Variants in CDH12 observed in about 807,000 individuals in gnomAD.
CDH12 encodes the protein cadherin-12.
CDH12 carries 41 observed loss-of-function variants against 74.1 expected under a neutral mutation model. The observed-to-expected ratio is 0.55, with a 90% CI of 0.43 to 0.72. CDH12 has a LOEUF of 0.72. Among genes scored for constraint, CDH12 ranks in the 30% least tolerant of loss-of-function variants. The pLI is 0.00. For synonymous variants in CDH12, 399 were observed against 355.0 expected (o/e 1.12, Z -1.39); for missense variants, 945 against 977.2 (o/e 0.97, Z 0.44).
rs538910750 is a variant in CDH12 at position 21,918,948 on chromosome 5, T to C, written c.526+56143A>G. ...ACTTTTCAGTTTTACAAAGTCATATTGACAGAGACACATCTAAATTAGATG... is the reference window on the plus strand; with the variant it reads ...ACTTTTCAGTTTTACAAAGTCATATCGACAGAGACACATCTAAATTAGATG... On this transcript the variant is annotated intron_variant, in intron 6 of 14. Coordinates refer to ENST00000382254, the MANE Select transcript of CDH12 (RefSeq NM_004061.5). 4.6e-5 allele frequency among the ~76,000 whole-genome samples: 7 copies of C among 152,290 alleles called. No homozygotes were observed. The East Asian group carries it at 1.4e-3, about 29-fold the overall frequency.
intron 2 of CDH12, among the ~76,000 whole-genome samples, chr5:22,429,686 T>C (rs1744086387): frequency 6.6e-6 from 1 of 152,146 alleles, no homozygotes; most frequent in Non-Finnish European, 1.5e-5. Context: ...AATAAAAAGT[T>C]GTCTGTAGAG....
chr5:21,877,260 C>T (rs760595382), intron 6 of CDH12, among the ~76,000 whole-genome samples: 6 of 151,972 alleles, frequency 3.9e-5, no homozygotes, highest in South Asian at 2.1e-4. Flanking sequence ...AGGTAAACTT[C>T]GTTCCATTTT....
intron 4 of CDH12, among the ~76,000 whole-genome samples, chr5:22,207,154 G>A (rs1580402112): frequency 6.8e-6 from 1 of 147,482 alleles, no homozygotes; most frequent in Non-Finnish European, 1.5e-5. Context: ...GGGAGGCAGA[G>A]CTTGCAGTGA....
chr5:21,897,786 A>T (rs1753193060), intron 6 of CDH12, among the ~76,000 whole-genome samples: 1 of 152,226 alleles, frequency 6.6e-6, no homozygotes, highest in African/African-American at 2.4e-5. Flanking sequence ...TACAAATAAA[A>T]GCTAAATTTT....
intron 1 of CDH12, among the ~76,000 whole-genome samples, chr5:22,547,837 G>T (rs1212028686): frequency 6.6e-6 from 1 of 152,070 alleles, no homozygotes; most frequent in Non-Finnish European, 1.5e-5. Flanking sequence ...TAGGGGATTG[G>T]AATATTGAAT....
chr5:22,329,387 T>C (rs111263959), intron 3 of CDH12, among the ~76,000 whole-genome samples: 1 of 152,104 alleles, frequency 6.6e-6, no homozygotes, highest in Non-Finnish European at 1.5e-5. Context: ...AATTATTCAA[T>C]CTCCGACCAC....
chr5:22,488,721 C>T (rs539163954), intron 2 of CDH12, among the ~76,000 whole-genome samples: 1 of 152,244 alleles, frequency 6.6e-6, no homozygotes, highest in African/African-American at 2.4e-5. Context: ...CACTGAAATT[C>T]TTCAAGCTAG....
At chr5:22,839,337 A>G (rs1736981710) in intron 1 of CDH12, among the ~76,000 whole-genome samples, 1 of 150,434 alleles carries the variant, frequency 6.6e-6, no homozygotes, top group South Asian at 2.1e-4. Flanking sequence ...CTAGTTTACA[A>G]TCAAAATTAC....
chr5:22,557,387 A>G (rs1371596493), intron 1 of CDH12, among the ~76,000 whole-genome samples: 4 of 152,102 alleles, frequency 2.6e-5, no homozygotes, highest in African/African-American at 9.7e-5. Flanking sequence ...AGGCATCACC[A>G]AGGAGGTCTT....
At chr5:22,663,308 C>T (rs1340732719) in intron 1 of CDH12, among the ~76,000 whole-genome samples, 6 of 152,088 alleles carry the variant, frequency 3.9e-5, no homozygotes, top group African/African-American at 7.2e-5. Context: ...ATCATGCTCC[C>T]GAGGAGGACT....
chr5:22,671,086 A>G (rs1740876036), intron 1 of CDH12, among the ~76,000 whole-genome samples: 3 of 150,948 alleles, frequency 2.0e-5, no homozygotes. Context: ...TTCACAAATA[A>G]TTTCTTTTTT....
intron 1 of CDH12, among the ~76,000 whole-genome samples, chr5:22,820,445 G>A (rs1057185823): frequency 1.3e-5 from 2 of 151,908 alleles, no homozygotes; most frequent in African/African-American, 4.8e-5. Context: ...TTTAAAATGG[G>A]AGCTGGTTTT....
intron 4 of CDH12, among the ~76,000 whole-genome samples, chr5:22,207,857 C>A (rs113841486): frequency 6.6e-6 from 1 of 152,298 alleles, no homozygotes; most frequent in Non-Finnish European, 1.5e-5. Flanking sequence ...GAAAAAAGAT[C>A]TCTAATTTTT....
At chr5:22,741,861 A>G (rs1003500500) in intron 1 of CDH12, among the ~76,000 whole-genome samples, 9 of 152,192 alleles carry the variant, frequency 5.9e-5, no homozygotes, top group Admixed American at 2.6e-4. Flanking sequence ...AGAATTTCTT[A>G]TGATGAACAA....
intron 6 of CDH12, among the ~76,000 whole-genome samples, chr5:21,882,389 C>T (rs1752397404): frequency 6.6e-6 from 1 of 152,090 alleles, no homozygotes; most frequent in African/African-American, 2.4e-5. Flanking sequence ...ATTTTTAAAT[C>T]AGAAAAAAAC....
chr5:22,490,494 A>G (rs908685826), intron 2 of CDH12, among the ~76,000 whole-genome samples: 2 of 152,254 alleles, frequency 1.3e-5, no homozygotes, highest in Non-Finnish European at 2.9e-5. Context: ...GAATTGAGAA[A>G]GAGAAAGTGC....
chr5:22,805,804 C>T (rs950305700), intron 1 of CDH12, among the ~76,000 whole-genome samples: 7 of 152,072 alleles, frequency 4.6e-5, no homozygotes, highest in African/African-American at 1.7e-4. Flanking sequence ...GCTATCCCTC[C>T]CCTAGTCCCC....
At chr5:21,801,887 T>C (rs1018132045) in intron 10 of CDH12, among the ~76,000 whole-genome samples, 16 of 152,212 alleles carry the variant, frequency 1.1e-4, no homozygotes, top group African/African-American at 7.2e-5. Context: ...ATCCCGTTTA[T>C]ACATGAAGAG....
At chr5:22,689,773 G>A (rs1437633541) in intron 1 of CDH12, among the ~76,000 whole-genome samples, 2 of 152,082 alleles carry the variant, frequency 1.3e-5, no homozygotes, top group Admixed American at 1.3e-4. Flanking sequence ...TGAGTTGGAA[G>A]TGATGAAGTT....
Sources: gnomAD v4.1 joint callset for allele counts (sites outside exome capture counted in the v4.1 genomes callset) on GRCh38, gnomAD v4.1.1 for gene constraint, MANE v1.5 for transcripts, NCBI Gene and HGNC (gene_info 2026-07-23, HGNC 2026-07-21) for gene names.